PARD3: variants seen among roughly 807,000 people sequenced by gnomAD.
PARD3 encodes the protein partitioning defective 3 homolog.
In PARD3, 75 loss-of-function variants were observed where a neutral mutation model predicts 155.4. The observed-to-expected ratio is 0.48, with a 90% CI of 0.40 to 0.58. The LOEUF (loss-of-function observed/expected upper bound fraction) is 0.58, where lower values mean the gene tolerates loss of function less well. PARD3 is among the 20% of genes least tolerant of loss of function. The pLI is 0.00. For missense variants in PARD3, 1,642 were observed against 1,721.7 expected, an observed-to-expected ratio of 0.95 and a Z score of 0.82; for synonymous variants, 576 against 610.5, an observed-to-expected ratio of 0.94 and a Z score of 0.83.
intron 5 of PARD3, among the ~76,000 whole-genome samples, chr10:34,442,326 C>T (rs2076506187): frequency 6.6e-6 from 1 of 152,196 alleles, no homozygotes; most frequent in Admixed American, 6.5e-5. Context: ...CTATCTATTC[C>T]TATATCAGAC....
At chr10:34,383,406 C>CACACACACAA (rs1842049329) in intron 8 of PARD3, among the ~76,000 whole-genome samples, 1 of 151,702 alleles carries the variant, frequency 6.6e-6, no homozygotes, top group Non-Finnish European at 1.5e-5. Flanking sequence ...CACACACACA[C>CACACACACAA]ACACACTTAG....
chr10:34,421,209 C>A (rs191437891), intron 5 of PARD3, among the ~76,000 whole-genome samples: 3 of 151,978 alleles, frequency 2.0e-5, no homozygotes, highest in African/African-American at 7.2e-5. Flanking sequence ...TATAATTTAT[C>A]TTTCCAAAAT....
chr10:34,574,091 G>C (rs1368345254), intron 2 of PARD3, among the ~76,000 whole-genome samples: 3 of 151,580 alleles, frequency 2.0e-5, no homozygotes, highest in Admixed American at 6.6e-5. Flanking sequence ...TAAGAATTCA[G>C]GTACTTTCTT....
At chr10:34,413,874 T>G (rs1845381090) in intron 5 of PARD3, among the ~76,000 whole-genome samples, 1 of 152,162 alleles carries the variant, frequency 6.6e-6, no homozygotes, top group Admixed American at 6.5e-5. Flanking sequence ...ATGAGAAAAC[T>G]TGTGACACTA....
At chr10:34,132,626 G>A (rs1692708) in intron 22 of PARD3, among the ~76,000 whole-genome samples, 37,072 of 152,068 alleles carry the variant, frequency 0.24, 5,175 homozygotes, top group Non-Finnish European at 0.3. Flanking sequence ...TTTGGTCTAT[G>A]CCATTCACTA....
chr10:34,760,474 G>A (rs1353138492), intron 1 of PARD3, among the ~76,000 whole-genome samples: 1 of 152,116 alleles, frequency 6.6e-6, no homozygotes, highest in Admixed American at 6.6e-5. Context: ...TGGGATTACA[G>A]GCACCTGCCA....
At chr10:34,310,330 A>G (rs1325347530) in intron 20 of PARD3, among the ~76,000 whole-genome samples, 1 of 152,238 alleles carries the variant, frequency 6.6e-6, no homozygotes, top group Non-Finnish European at 1.5e-5. Context: ...TAGAAAGTGA[A>G]TAGTCAGTAG....
At chr10:34,702,058 A>AG (rs1421125882) in intron 1 of PARD3, among the ~76,000 whole-genome samples, 1 of 151,980 alleles carries the variant, frequency 6.6e-6, no homozygotes, top group African/African-American at 2.4e-5. Flanking sequence ...CCACCTACTC[A>AG]GGAGGCTGAG....
chr10:34,640,664 G>A (rs141980352), intron 2 of PARD3, among the ~76,000 whole-genome samples: 2,691 of 120,904 alleles, frequency 0.022, 47 homozygotes, highest in Non-Finnish European at 0.025. Flanking sequence ...AGCCAAGAAA[G>A]CGCCACTGTA....
At chr10:34,516,893 C>T (rs1181916507) in intron 3 of PARD3, 86 bp downstream of exon 3, 2 of 1,256,922 alleles carry the variant, frequency 1.6e-6, no homozygotes, top group South Asian at 1.4e-5. Context: ...TAATTAATTC[C>T]ATTTACAGGG....
chr10:34,782,520 C>T lies in PARD3; in HGVS notation c.120+32356G>A, dbSNP rs79185773. 4.6e-3 allele frequency among the ~76,000 whole-genome samples: 704 copies of T among 152,254 alleles called. 5 individuals are homozygous for T. The highest frequency in any genetic ancestry group is 0.015 in the African/African-American group (636 of 41,552). ...TTTTAAATAACTTTAATCCTCACAACGACATCAAAACATTTTAAGCACTAT... is the reference window on the plus strand; with the variant it reads ...TTTTAAATAACTTTAATCCTCACAATGACATCAAAACATTTTAAGCACTAT... On this transcript the variant is annotated intron_variant, in intron 1 of 24. Coordinates refer to ENST00000374788, the MANE Select transcript of PARD3 (RefSeq NM_001184785.2).
At chr10:34,731,055 A>G (rs1378552645) in intron 1 of PARD3, among the ~76,000 whole-genome samples, 1 of 152,224 alleles carries the variant, frequency 6.6e-6, no homozygotes, top group Non-Finnish European at 1.5e-5. Context: ...TCCATATGAT[A>G]AAGATATTTG....
intron 5 of PARD3, among the ~76,000 whole-genome samples, chr10:34,434,899 A>G (rs970477664): frequency 6.6e-6 from 1 of 152,172 alleles, no homozygotes; most frequent in Non-Finnish European, 1.5e-5. Flanking sequence ...ACCAGCACAT[A>G]TTCACATTCA....
At chr10:34,231,680 C>A (rs1318439153) in intron 22 of PARD3, among the ~76,000 whole-genome samples, 1 of 151,890 alleles carries the variant, frequency 6.6e-6, no homozygotes. Context: ...CTTGTTAACG[C>A]CCTGACCTTC....
At chr10:34,401,793 C>T in intron 6 of PARD3, 33 bp downstream of exon 6, 1 of 1,352,308 alleles carries the variant, frequency 7.4e-7, no homozygotes, top group Non-Finnish European at 1.1e-6. Flanking sequence ...TACATGTATA[C>T]TGCAAACTTA....
At chr10:34,463,107 TG>T (rs1381864392) in intron 4 of PARD3, among the ~76,000 whole-genome samples, 49 of 50,600 alleles carry the variant, frequency 9.7e-4, no homozygotes, top group Non-Finnish European at 1.6e-3. Context: ...AATGGGAAAG[TG>T]AAGGGGAAGA....
rs551729176 is a variant in PARD3 at position 34,137,214 on chromosome 10, G to T, written c.3420-5631C>A. Among the ~76,000 whole-genome samples the T allele has an allele frequency of 8.5e-5, 13 of 152,302 alleles. No individual in the cohort carries two copies. In the South Asian group the frequency reaches 2.5e-3, roughly 29 times the overall value. On this transcript the variant is annotated intron_variant, in intron 22 of 24. Transcript: ENST00000374788. Reference sequence around the variant, plus strand: ...CTGTGCACTTGCTTCTAACCAATGAGAAATGCAGCAGGGATCACGCAGTGT... The same window carrying T: ...CTGTGCACTTGCTTCTAACCAATGATAAATGCAGCAGGGATCACGCAGTGT...
chr10:34,637,554 G>A (rs754247988), intron 2 of PARD3, among the ~76,000 whole-genome samples: 1 of 152,214 alleles, frequency 6.6e-6, no homozygotes, highest in Non-Finnish European at 1.5e-5. Context: ...GTCACTGGGG[G>A]TTTCAGCGTT....
intron 2 of PARD3, among the ~76,000 whole-genome samples, chr10:34,547,328 G>C (rs2084163777): frequency 1.3e-5 from 2 of 152,146 alleles, no homozygotes; most frequent in African/African-American, 4.8e-5. Context: ...CACATGCATA[G>C]CATTTTTTAC....
Sources: gnomAD v4.1 joint callset for allele counts (sites outside exome capture counted in the v4.1 genomes callset) on GRCh38, gnomAD v4.1.1 for gene constraint, MANE v1.5 for transcripts, NCBI Gene and HGNC (gene_info 2026-07-23, HGNC 2026-07-21) for gene names.